ATF6: variants seen among roughly 807,000 people sequenced by gnomAD.
ATF6 encodes activating transcription factor 6, also known as cyclic AMP-dependent transcription factor ATF-6 alpha.
In ATF6, 53 loss-of-function variants were observed where a neutral mutation model predicts 83.6. The observed-to-expected ratio is 0.63, with a 90% CI of 0.51 to 0.80. The LOEUF (loss-of-function observed/expected upper bound fraction) is 0.80. Among genes scored for constraint, ATF6 ranks in the 30% least tolerant of loss-of-function variants. The probability of loss-of-function intolerance (pLI) is 0.00; values close to 1 mark genes in which losing one functional copy is unlikely to be tolerated. For missense variants in ATF6, 744 were observed against 797.9 expected, an observed-to-expected ratio of 0.93 and a Z score of 0.81; for synonymous variants, 288 against 285.8, an observed-to-expected ratio of 1.01 and a Z score of -0.08.
intron 14 of ATF6, among the ~76,000 whole-genome samples, chr1:161,884,892 T>C (rs1297825037): frequency 6.6e-6 from 1 of 152,226 alleles, no homozygotes; most frequent in Non-Finnish European, 1.5e-5. Flanking sequence ...TGTTTGTTGC[T>C]GGCGAAAATT....
At chr1:161,776,372 G>T (rs1684514430) in intron 1 of ATF6, among the ~76,000 whole-genome samples, 2 of 152,116 alleles carry the variant, frequency 1.3e-5, no homozygotes, top group Non-Finnish European at 2.9e-5. Flanking sequence ...TGGATATGAG[G>T]CATATTGCTG....
intron 6 of ATF6, among the ~76,000 whole-genome samples, chr1:161,794,680 A>G (rs1684969274): frequency 1.3e-5 from 2 of 152,126 alleles, no homozygotes; most frequent in Non-Finnish European, 2.9e-5. Context: ...AGCTCAACTA[A>G]TCTGTCATTG....
At chr1:161,815,346 G>C (rs576614389) in intron 7 of ATF6, among the ~76,000 whole-genome samples, 321 of 151,360 alleles carry the variant, frequency 2.1e-3, no homozygotes, top group Non-Finnish European at 3.7e-3. Flanking sequence ...TGTGCACCAC[G>C]ATGCCCAGCT....
chr1:161,841,625 C>A (rs1686360869), intron 9 of ATF6, among the ~76,000 whole-genome samples: 1 of 152,072 alleles, frequency 6.6e-6, no homozygotes, highest in African/African-American at 2.4e-5. Context: ...CATCATGACT[C>A]CCTTGTTGAA....
chr1:161,834,103 A>G (rs1384307828), intron 9 of ATF6, among the ~76,000 whole-genome samples: 1 of 152,196 alleles, frequency 6.6e-6, no homozygotes, highest in Non-Finnish European at 1.5e-5. Context: ...GCCAATATTC[A>G]ACATTCCTAA....
intron 15 of ATF6, among the ~76,000 whole-genome samples, chr1:161,938,154 A>G (rs951698733): frequency 3.3e-5 from 5 of 152,090 alleles, no homozygotes; most frequent in Non-Finnish European, 2.9e-5. Flanking sequence ...CTTTGCATCT[A>G]CTGTTCGCCT....
intron 14 of ATF6, among the ~76,000 whole-genome samples, chr1:161,900,621 GTA>G (rs796685935): frequency 2.9e-4 from 44 of 152,256 alleles, no homozygotes; most frequent in African/African-American, 9.9e-4. Flanking sequence ...AGGATTAAAA[GTA>G]TTGACAACAA....
At chr1:161,881,581 A>T (rs1023614130) in intron 14 of ATF6, among the ~76,000 whole-genome samples, 10 of 152,142 alleles carry the variant, frequency 6.6e-5, no homozygotes, top group African/African-American at 2.2e-4. Context: ...AGGGGTATGG[A>T]GCTTCCATAC....
intron 15 of ATF6, among the ~76,000 whole-genome samples, 190 bp downstream of exon 15, chr1:161,912,570 C>G (rs1007095504): frequency 6.6e-6 from 1 of 152,220 alleles, no homozygotes; most frequent in Admixed American, 6.5e-5. Flanking sequence ...TACTACATCC[C>G]TAAAAGAAAA....
At chr1:161,917,425 T>G (rs1011675689) in intron 15 of ATF6, among the ~76,000 whole-genome samples, 2 of 148,608 alleles carry the variant, frequency 1.3e-5, no homozygotes, top group African/African-American at 4.9e-5. Context: ...ATACACAATT[T>G]TTTTTTTTTT....
chr1:161,908,377 A>G (rs1023489983), intron 14 of ATF6, among the ~76,000 whole-genome samples: 1 of 152,206 alleles, frequency 6.6e-6, no homozygotes, highest in African/African-American at 2.4e-5. Flanking sequence ...TGTGTTATAC[A>G]CTAATATTCT....
intron 15 of ATF6, among the ~76,000 whole-genome samples, chr1:161,941,013 G>A (rs1335302774): frequency 6.6e-6 from 1 of 152,146 alleles, no homozygotes; most frequent in East Asian, 1.9e-4. Flanking sequence ...AAGTGCCTTG[G>A]TCAGGGGCAA....
intron 9 of ATF6, among the ~76,000 whole-genome samples, chr1:161,838,496 A>G (rs545192455): frequency 6.6e-6 from 1 of 152,280 alleles, no homozygotes; most frequent in South Asian, 2.1e-4. Context: ...TGGAGGACCC[A>G]CTTTCAGATT....
chr1:161,773,295 G>A (rs938383855), intron 1 of ATF6, among the ~76,000 whole-genome samples: 2 of 151,972 alleles, frequency 1.3e-5, no homozygotes, highest in African/African-American at 4.8e-5. Flanking sequence ...TACCACACCT[G>A]GCTAAATTTT....
intron 14 of ATF6, among the ~76,000 whole-genome samples, chr1:161,907,518 G>A (rs1288034455): frequency 6.6e-6 from 1 of 152,116 alleles, no homozygotes; most frequent in African/African-American, 2.4e-5. Context: ...CTGTGTGAAA[G>A]CTGCTCAGTG....
chr1:161,796,408 T>C (rs1234407312), intron 6 of ATF6, among the ~76,000 whole-genome samples: 1 of 152,204 alleles, frequency 6.6e-6, no homozygotes, highest in Non-Finnish European at 1.5e-5. Flanking sequence ...AATACTCTTC[T>C]CAAAGTATTG....
At chr1:161,797,121 A>G (rs1481983574) in intron 6 of ATF6, among the ~76,000 whole-genome samples, 1 of 152,152 alleles carries the variant, frequency 6.6e-6, no homozygotes, top group Admixed American at 6.5e-5. Context: ...TTACTTCATA[A>G]AAGATGGAGG....
intron 4 of ATF6, among the ~76,000 whole-genome samples, chr1:161,789,810 G>A (rs1179633820): frequency 2.0e-5 from 3 of 152,152 alleles, no homozygotes; most frequent in African/African-American, 4.8e-5. Flanking sequence ...ATCAAAGGCC[G>A]TGAAGATAAT....
At chr1:161,840,519 G>A (rs1486477809) in intron 9 of ATF6, 2 of 152,144 alleles carry the variant, frequency 1.3e-5, no homozygotes, top group African/African-American at 4.8e-5. Context: ...AAGAAAGCAG[G>A]TTTGCAAGGA....
Sources: gnomAD v4.1 joint callset for allele counts (sites outside exome capture counted in the v4.1 genomes callset) on GRCh38, gnomAD v4.1.1 for gene constraint, MANE v1.5 for transcripts, NCBI Gene and HGNC (gene_info 2026-07-23, HGNC 2026-07-21) for gene names.